Variants in VTI1A observed in about 807,000 individuals in gnomAD.
VTI1A encodes vesicle transport through interaction with t-SNAREs homolog 1A.
A neutral mutation model predicts 34.9 loss-of-function variants in VTI1A; 22 were observed. The observed-to-expected ratio is 0.63, with a 90% CI of 0.45 to 0.90. The LOEUF (loss-of-function observed/expected upper bound fraction) is 0.90. VTI1A is among the 40% of genes least tolerant of loss of function. The probability of loss-of-function intolerance (pLI) is 0.00; values close to 1 mark genes in which losing one functional copy is unlikely to be tolerated. For synonymous variants in VTI1A, 87 were observed against 97.3 expected (o/e 0.89, Z 0.62); for missense variants, 268 against 275.6 (o/e 0.97, Z 0.20).
chr10:112,847,675 A>C, the VTI1A span, among the ~76,000 whole-genome samples: 608 of 152,330 alleles, frequency 4.0e-3, 6 homozygotes, highest in African/African-American at 0.014. Context: ...CCCTGACTTC[A>C]TCTAGAGATC....
chr10:112,486,434 A>G (rs1049976864), intron 3 of VTI1A, among the ~76,000 whole-genome samples: 2 of 152,178 alleles, frequency 1.3e-5, no homozygotes, highest in Non-Finnish European at 2.9e-5. Flanking sequence ...TTTGGAAAAT[A>G]CATGGAAAAG....
chr10:112,492,858 A>T (rs1848878865), intron 3 of VTI1A, among the ~76,000 whole-genome samples: 1 of 151,930 alleles, frequency 6.6e-6, no homozygotes, highest in Non-Finnish European at 1.5e-5. Context: ...CAATTCAGTG[A>T]TTTTTTTAGG....
chr10:112,635,497 T>G (rs1245642219), intron 5 of VTI1A, among the ~76,000 whole-genome samples: 1 of 152,166 alleles, frequency 6.6e-6, no homozygotes, highest in Non-Finnish European at 1.5e-5. Context: ...AGGTTCTAAA[T>G]GCTGGCTTAA....
chr10:112,817,861 G>C lies in VTI1A; in HGVS notation c.*2478G>C. 1 of 233,352 alleles carries C rather than the reference G, an allele frequency of 4.3e-6. No individual in the cohort carries two copies. The highest frequency in any genetic ancestry group is 6.0e-5 in the East Asian group (1 of 16,556). The allele number at this position is 233,352 out of a possible 1,614,324, so 14.5% of individuals were successfully genotyped here. On this transcript the variant is annotated 3_prime_UTR_variant, in exon 8 of 8. Transcript: ENST00000393077. ...TGATGTTTAAGGGAGTGGTTGGGGG[G>C]AAGATGAAGGCATGGAGGAGGAAGA...
intron 5 of VTI1A, among the ~76,000 whole-genome samples, chr10:112,596,001 T>C (rs2134451063): frequency 6.6e-6 from 1 of 152,274 alleles, no homozygotes; most frequent in Non-Finnish European, 1.5e-5. Context: ...GATGGGTTCA[T>C]GTCCTTTGTA....
At chr10:112,491,976 C>G (rs1045933263) in intron 3 of VTI1A, among the ~76,000 whole-genome samples, 6 of 152,168 alleles carry the variant, frequency 3.9e-5, no homozygotes, top group Non-Finnish European at 2.9e-5. Flanking sequence ...TGCCTGGATC[C>G]CCTGCCAGAG....
chr10:112,461,572 AC>A (rs1847728843), intron 2 of VTI1A, among the ~76,000 whole-genome samples: 1 of 152,190 alleles, frequency 6.6e-6, no homozygotes, highest in Admixed American at 6.5e-5. Flanking sequence ...TTCATCTACT[AC>A]TTTTTTATAT....
intron 1 of VTI1A, among the ~76,000 whole-genome samples, chr10:112,454,096 C>A (rs1442241095): frequency 6.6e-6 from 1 of 152,130 alleles, no homozygotes; most frequent in South Asian, 2.1e-4. Context: ...CAGTAATATA[C>A]CCATTTAAAA....
chr10:112,777,786 T>C lies in VTI1A; in HGVS notation c.561-37504T>C, dbSNP rs1222694381. Among the ~76,000 whole-genome samples, 3 of 152,180 alleles carry C rather than the reference T, an allele frequency of 2.0e-5. No homozygotes were observed. The South Asian group carries it at 6.2e-4, about 32-fold the overall frequency. On this transcript the variant is annotated intron_variant, in intron 7 of 7. Transcript: ENST00000393077. ...GATTCTGCCCATTTTGTCATTTAAC[T>C]TTCACAGAAGCAAATACAAAGTATT...
At chr10:112,763,852 A>T (rs927884529) in intron 7 of VTI1A, among the ~76,000 whole-genome samples, 16 of 152,142 alleles carry the variant, frequency 1.1e-4, no homozygotes, top group African/African-American at 3.9e-4. Context: ...CACGAAGAAC[A>T]TGTGGTAAAC....
At chr10:112,725,273 A>C (rs1310914444) in intron 7 of VTI1A, among the ~76,000 whole-genome samples, 2 of 152,186 alleles carry the variant, frequency 1.3e-5, no homozygotes, top group African/African-American at 2.4e-5. Flanking sequence ...TTTGTCCTGT[A>C]GATTATCGTC....
chr10:112,756,463 G>A (rs1292830712), intron 7 of VTI1A, among the ~76,000 whole-genome samples: 2 of 152,106 alleles, frequency 1.3e-5, no homozygotes, highest in African/African-American at 4.8e-5. Context: ...AGGCATCCAG[G>A]AGGCTGTCTT....
intron 2 of VTI1A, among the ~76,000 whole-genome samples, chr10:112,462,156 G>C (rs1847749050): frequency 6.6e-6 from 1 of 152,158 alleles, no homozygotes; most frequent in Non-Finnish European, 1.5e-5. Flanking sequence ...AGCCGATACT[G>C]CCCTTTTGAT....
chr10:112,630,809 A>G (rs1202215549), intron 5 of VTI1A, among the ~76,000 whole-genome samples: 2 of 152,182 alleles, frequency 1.3e-5, no homozygotes, highest in African/African-American at 2.4e-5. Flanking sequence ...CCAGAAAACA[A>G]AAGGTAATAT....
chr10:112,689,220 C>T (rs993319157), intron 7 of VTI1A, among the ~76,000 whole-genome samples: 23 of 152,168 alleles, frequency 1.5e-4, no homozygotes, highest in African/African-American at 5.6e-4. Flanking sequence ...CCCCACTTTT[C>T]CCAAGGTATT....
chr10:112,575,208 G>A (rs982646137), intron 5 of VTI1A, among the ~76,000 whole-genome samples: 1 of 152,188 alleles, frequency 6.6e-6, no homozygotes, highest in Non-Finnish European at 1.5e-5. Context: ...TTTCTCTTTT[G>A]AGATTTCACA....
At chr10:112,761,770 C>CTGTGTGTGTGTG (rs57330053) in intron 7 of VTI1A, among the ~76,000 whole-genome samples, 15 of 145,826 alleles carry the variant, frequency 1.0e-4, no homozygotes, top group African/African-American at 3.7e-4. Context: ...CTTTCTTTCT[C>CTGTGTGTGTGTG]TGTGTGTGTG....
intron 1 of VTI1A, among the ~76,000 whole-genome samples, chr10:112,458,123 A>G (rs1847602384): frequency 6.6e-6 from 1 of 152,064 alleles, no homozygotes; most frequent in Non-Finnish European, 1.5e-5. Flanking sequence ...AAAGGGGAAT[A>G]CAGGTCAAGG....
chr10:112,654,248 G>T (rs1294614474), intron 5 of VTI1A, among the ~76,000 whole-genome samples: 1 of 152,154 alleles, frequency 6.6e-6, no homozygotes, highest in Non-Finnish European at 1.5e-5. Context: ...TTGACCAGCA[G>T]TTGCCATCTA....
Sources: gnomAD v4.1 joint callset for allele counts (sites outside exome capture counted in the v4.1 genomes callset) on GRCh38, gnomAD v4.1.1 for gene constraint, MANE v1.5 for transcripts, NCBI Gene and HGNC (gene_info 2026-07-23, HGNC 2026-07-21) for gene names.